Variants in SLIT1 observed in about 807,000 individuals in gnomAD.
SLIT1 encodes the protein slit guidance ligand 1.
Under a neutral mutation model 186.1 loss-of-function variants are expected in SLIT1, and 66 were observed. The observed-to-expected ratio is 0.35, with a 90% CI of 0.29 to 0.44. SLIT1 has a LOEUF of 0.44. SLIT1 is among the 20% of genes least tolerant of loss of function. SLIT1 has a pLI of 1.00. For synonymous variants in SLIT1, 761 were observed against 833.8 expected (o/e 0.91, Z 1.50); for missense variants, 1,638 against 2,037.4 (o/e 0.80, Z 3.77).
chr10:97,071,002 G>A (rs974904617), intron 4 of SLIT1, among the ~76,000 whole-genome samples: 2 of 152,136 alleles, frequency 1.3e-5, no homozygotes, highest in Non-Finnish European at 2.9e-5. Flanking sequence ...TGGAGACAGG[G>A]TCTCATTTTG....
Position 97,185,332 on chromosome 10 carries a change from A to G in SLIT1, c.197+146T>C, listed in dbSNP as rs1036795819. 4 of 760,916 alleles carry G rather than the reference A, an allele frequency of 5.3e-6. No individual in the cohort carries two copies. The Admixed American group carries it at 1.2e-4, about 23-fold the overall frequency. 47.1% of individuals were successfully genotyped at this position (760,916 alleles called of 1,614,324 possible). ...GGCGCTCCTGGCTCCTGGCTCGGGA[A>G]AGACCCCGGCAGGCACTGACCCGTC... On this transcript the variant is annotated intron_variant, in intron 1 of 36. Transcript: ENST00000266058.
intron 8 of SLIT1, among the ~76,000 whole-genome samples, chr10:97,061,486 C>T (rs981538846): frequency 6.6e-6 from 1 of 152,216 alleles, no homozygotes; most frequent in African/African-American, 2.4e-5. Flanking sequence ...AAGTAACCAC[C>T]ATTCTGAGAT....
intron 4 of SLIT1, among the ~76,000 whole-genome samples, chr10:97,071,988 C>T (rs1479947347): frequency 6.6e-6 from 1 of 152,194 alleles, no homozygotes; most frequent in Non-Finnish European, 1.5e-5. Context: ...CAGAGGCAGA[C>T]TCCAGGTAGG....
At chr10:97,104,142 C>G (rs1196804009) in intron 4 of SLIT1, among the ~76,000 whole-genome samples, 1 of 151,804 alleles carries the variant, frequency 6.6e-6, no homozygotes, top group Non-Finnish European at 1.5e-5. Flanking sequence ...TGGGAGTTAC[C>G]TTTTTCTAGG....
intron 1 of SLIT1, among the ~76,000 whole-genome samples, chr10:97,172,588 C>G (rs1447227987): frequency 2.0e-5 from 3 of 152,116 alleles, no homozygotes; most frequent in Non-Finnish European, 4.4e-5. Flanking sequence ...CTTTGTTTCC[C>G]TACTCCGAAA....
In SLIT1 at chr10:97,021,797, A is replaced by C. The variant is rs914403230; in HGVS notation, c.2583-384T>G. Among the ~76,000 whole-genome samples, 1 of 152,132 alleles carries C rather than the reference A, an allele frequency of 6.6e-6. No individual in the cohort carries two copies. The highest frequency in any genetic ancestry group is 6.6e-5 in the Admixed American group (1 of 15,266). On this transcript the variant is annotated intron_variant, in intron 25 of 36. Coordinates refer to ENST00000266058, the MANE Select transcript of SLIT1 (RefSeq NM_003061.3). This position sits in a 1 kb window ranked among gnomAD's most constrained non-coding sequence, Gnocchi z 4.5. ...AGGCTGGTCTTGAACTCCTAAACTC[A>C]GGTTATCCACTCACCTCAGCCTCCC...
Position 97,137,540 on chromosome 10 carries a change from C to T in SLIT1, c.413+20278G>A, listed in dbSNP as rs111327213. Reference sequence around the variant, plus strand: ...ACAAGCTTAATGTTTCTTTTCCTTCCTTCCTTCCTTTCTTTCTCTCTGTCT... The same window carrying T: ...ACAAGCTTAATGTTTCTTTTCCTTCTTTCCTTCCTTTCTTTCTCTCTGTCT... On this transcript the variant is annotated intron_variant, in intron 4 of 36. Transcript: ENST00000266058. 4.4e-3 allele frequency among the ~76,000 whole-genome samples: 661 copies of T among 151,464 alleles called. 6 individuals carry two copies. The highest frequency in any genetic ancestry group is 0.015 in the African/African-American group (631 of 41,264).
intron 4 of SLIT1, among the ~76,000 whole-genome samples, chr10:97,111,805 T>C (rs1243444271): frequency 6.6e-6 from 1 of 152,168 alleles, no homozygotes; most frequent in Middle Eastern, 3.2e-3. Context: ...CGTACCCAGA[T>C]GGCCCACCAC....
chr10:97,013,924 C>T, intron 29 of SLIT1, 90 bp from the exon 30 acceptor site: 1 of 1,558,020 alleles, frequency 6.4e-7, no homozygotes, highest in Non-Finnish European at 8.7e-7. Context: ...CCTGCAGACA[C>T]TGAGGCAGGG....
rs1848301870 is a variant in SLIT1 at position 97,001,010 on chromosome 10, C to G, written c.*102G>C. ...GAGGGCCCAGCTGCCCAGGAGCCGT[C>G]CTGTGATGACCTGCACCCCAGCCCA... On this transcript the variant is annotated 3_prime_UTR_variant, in exon 37 of 37. Transcript: ENST00000266058. 1 of 927,976 alleles carries G rather than the reference C, an allele frequency of 1.1e-6. No homozygotes were observed. Among genetic ancestry groups the G allele is most frequent in the South Asian group, 1.5e-5 (1 of 65,164 alleles). 57.5% of individuals were successfully genotyped at this position (927,976 alleles called of 1,614,324 possible). A position where few individuals can be genotyped will look rare whatever the true frequency, so the allele number is the denominator to read the frequency against.
At position 97,171,250 on chromosome 10, in the gene SLIT1, A is replaced by G. The variant is rs549026175; in HGVS notation, c.198-6360T>C. The stretch of plus-strand genomic sequence containing the variant: ...CCCCAGCCACTGCGCAGACAGCAGT[A>G]AAGGGGCCCACAGAGGCCTAACACC... On this transcript the variant is annotated intron_variant, in intron 1 of 36. Transcript: ENST00000266058. Among the ~76,000 whole-genome samples the G allele has an allele frequency of 7.2e-5, 11 of 152,226 alleles. No homozygotes were observed. In the East Asian group the frequency reaches 1.9e-3, roughly 27 times the overall value.
rs568530518 is a variant in SLIT1 at position 97,103,021 on chromosome 10, T to A, written c.414-36935A>T. 10 of 152,334 alleles carry A rather than the reference T, an allele frequency of 6.6e-5. No individual in the cohort carries two copies. In the East Asian group the frequency reaches 1.9e-3, roughly 29 times the overall value. The allele number at this position is 152,334 out of a possible 1,614,324, so 9.4% of individuals were successfully genotyped here. On this transcript the variant is annotated intron_variant, in intron 4 of 36. Coordinates refer to ENST00000266058, the MANE Select transcript of SLIT1 (RefSeq NM_003061.3). ...CTCTGAATACTCTAAGGGAGGCAGA[T>A]CTAGGCCAGGTGACCAGGGTTTACA...
At chr10:97,055,972 A>G (rs1415230492) in intron 13 of SLIT1, among the ~76,000 whole-genome samples, 2 of 152,186 alleles carry the variant, frequency 1.3e-5, no homozygotes, top group African/African-American at 4.8e-5. Context: ...CATCACCATC[A>G]ATATTATTGT....
chr10:97,164,119 G>A (rs527245360), intron 2 of SLIT1, among the ~76,000 whole-genome samples: 1 of 152,372 alleles, frequency 6.6e-6, no homozygotes, highest in East Asian at 1.9e-4. Context: ...GAAACCCAGA[G>A]CATCCGGCTG....
At position 97,060,649 on chromosome 10, in the gene SLIT1, A is replaced by G. The variant is rs1848884899; in HGVS notation, c.932T>C (p.Met311Thr). The G allele has an allele frequency of 6.2e-7, 1 of 1,612,854 alleles. No homozygotes were observed. The highest frequency in any genetic ancestry group is 8.5e-7 in the Non-Finnish European group (1 of 1,180,014). The change falls in exon 9 of 37, where the codon ATG becomes ACG. Residue 311 changes from methionine (M) to threonine (T), a missense_variant. Met to Thr is a moderately conservative substitution (Grantham distance 81). Around this residue, in one of 3 missense-constraint regions of SLIT1, gnomAD observed 1,245 missense variants for 1,535.3 expected, o/e 0.81. Coordinates refer to ENST00000266058, the MANE Select transcript of SLIT1 (RefSeq NM_003061.3). ...CCTGCCCCGTACTCACATCTCCGTC[A>G]TGGTCTCGGGCAGGTTGGCCGGGAT... ...TAIPANLPET[M>T]TEIRLELNGI...
intron 4 of SLIT1, among the ~76,000 whole-genome samples, chr10:97,128,454 G>T (rs966184954): frequency 1.3e-5 from 2 of 152,122 alleles, no homozygotes; most frequent in Admixed American, 6.5e-5. Flanking sequence ...AGCTGTGAAC[G>T]TCCACCAGGA....
chr10:97,136,661 C>G (rs1240987584), intron 4 of SLIT1, among the ~76,000 whole-genome samples: 38 of 152,204 alleles, frequency 2.5e-4, no homozygotes, highest in Non-Finnish European at 1.2e-4. Context: ...CTGGGTCCTC[C>G]CTGAAAGCCA....
At position 97,046,984 on chromosome 10, in the gene SLIT1, A is replaced by T; in HGVS notation, c.1709+7T>A. The T allele has an allele frequency of 1.2e-6, 2 of 1,603,856 alleles. No homozygotes were observed. Among genetic ancestry groups the T allele is most frequent in the East Asian group, 4.5e-5 (2 of 44,838 alleles). On this transcript the variant is annotated splice_region_variant and intron_variant, in intron 17 of 36. Transcript: ENST00000266058. ...AACAGACACCTTCTCGCCAATGGGT[A>T]ACTCACATTTTCTTCAGATGTGTAA...
intron 1 of SLIT1, among the ~76,000 whole-genome samples, chr10:97,175,925 C>G (rs548504758): frequency 6.6e-6 from 1 of 152,358 alleles, no homozygotes; most frequent in Admixed American, 6.5e-5. Context: ...ACCCAGCAAA[C>G]ATGTGCAGGC....
Sources: allele counts gnomAD v4.1 joint callset (sites outside exome capture counted in the v4.1 genomes callset), GRCh38; gene constraint gnomAD v4.1.1; regional missense constraint gnomAD v4.1.1; non-coding constraint Gnocchi (gnomAD v3.1); transcripts MANE v1.5; gene names NCBI Gene and HGNC (gene_info 2026-07-23, HGNC 2026-07-21).